MIPEP: variants seen among roughly 807,000 people sequenced by gnomAD.
MIPEP encodes mitochondrial intermediate peptidase.
Under a neutral mutation model 90.3 loss-of-function variants are expected in MIPEP, and 79 were observed. The observed-to-expected ratio is 0.87, with a 90% CI of 0.73 to 1.05. MIPEP has a LOEUF of 1.05. MIPEP is among the 50% of genes least tolerant of loss of function. MIPEP has a pLI of 0.00. For missense variants in MIPEP, 940 were observed against 905.6 expected (o/e 1.04, Z -0.49); for synonymous variants, 334 against 315.8 (o/e 1.06, Z -0.61).
intron 4 of MIPEP, among the ~76,000 whole-genome samples, chr13:23,877,209 C>A (rs1361467751): frequency 6.6e-6 from 1 of 152,096 alleles, no homozygotes; most frequent in Non-Finnish European, 1.5e-5. Flanking sequence ...TAAAAAAATT[C>A]TTTATAAATT....
intron 3 of MIPEP, among the ~76,000 whole-genome samples, chr13:23,881,224 A>G (rs4067955): frequency 2.6e-5 from 4 of 152,342 alleles, no homozygotes; most frequent in South Asian, 2.1e-4. Flanking sequence ...TTTATAGAGC[A>G]TTTTGGCTTC....
chr13:23,788,851 C>A (rs1952873972), intron 16 of MIPEP, among the ~76,000 whole-genome samples: 1 of 152,114 alleles, frequency 6.6e-6, no homozygotes, highest in Non-Finnish European at 1.5e-5. Context: ...GGTTCTTGGT[C>A]CCTCCTTTTA....
chr13:23,790,092 G>A (rs1488927683), intron 16 of MIPEP, among the ~76,000 whole-genome samples: 1 of 152,138 alleles, frequency 6.6e-6, no homozygotes, highest in Non-Finnish European at 1.5e-5. Context: ...GACACGGCTG[G>A]TTTCTCGCCA....
intron 15 of MIPEP, among the ~76,000 whole-genome samples, chr13:23,806,664 C>T (rs9580758): frequency 0.061 from 9,189 of 150,764 alleles, 955 homozygotes; most frequent in African/African-American, 0.21. Context: ...GGAGAGACTC[C>T]GTCTCAAAAA....
At chr13:23,809,151 T>C (rs1953144107) in intron 15 of MIPEP, among the ~76,000 whole-genome samples, 1 of 152,194 alleles carries the variant, frequency 6.6e-6, no homozygotes, top group Non-Finnish European at 1.5e-5. Flanking sequence ...TGGTTTTGAA[T>C]ATTATCTAAA....
Position 23,733,383 on chromosome 13 carries a change from G to A in MIPEP, c.2045-2938C>T, listed in dbSNP as rs144225035. 3.7e-3 allele frequency among the ~76,000 whole-genome samples: 568 copies of A among 152,300 alleles called. 3 individuals carry two copies. Among genetic ancestry groups the A allele is most frequent in the Middle Eastern group, 0.02 (6 of 294 alleles). On this transcript the variant is annotated intron_variant, in intron 18 of 18. Coordinates refer to ENST00000382172, the MANE Select transcript of MIPEP (RefSeq NM_005932.4). Reference sequence around the variant, plus strand: ...TGGTCTGGCGGGTAGAGTAAGGCTGGAAGAGACTCTGGGAGAGGAACATGA... The same window carrying A: ...TGGTCTGGCGGGTAGAGTAAGGCTGAAAGAGACTCTGGGAGAGGAACATGA...
chr13:23,765,902 T>TA (rs1439037734), intron 16 of MIPEP: 1 of 152,188 alleles, frequency 6.6e-6, no homozygotes, highest in Non-Finnish European at 1.5e-5. Context: ...AAGTGAGTGG[T>TA]ATTAGGGTAA....
At chr13:23,769,371 T>C (rs1328538795) in intron 16 of MIPEP, among the ~76,000 whole-genome samples, 1 of 152,198 alleles carries the variant, frequency 6.6e-6, no homozygotes, top group Non-Finnish European at 1.5e-5. Flanking sequence ...AGGAGGTGTG[T>C]CTGCATAGGA....
At chr13:23,803,095 G>A (rs1010294472) in intron 16 of MIPEP, among the ~76,000 whole-genome samples, 2 of 152,126 alleles carry the variant, frequency 1.3e-5, no homozygotes, top group African/African-American at 4.8e-5. Flanking sequence ...CAGGCGCGGT[G>A]GCTCATGCCT....
At chr13:23,798,894 T>C (rs1321180468) in intron 16 of MIPEP, among the ~76,000 whole-genome samples, 1 of 151,710 alleles carries the variant, frequency 6.6e-6, no homozygotes. Flanking sequence ...CTTTTCCGTA[T>C]AAATTACCCA....
intron 16 of MIPEP, 45 bp downstream of exon 16, chr13:23,805,902 TAGC>T: frequency 3.1e-6 from 5 of 1,597,936 alleles, no homozygotes; most frequent in Non-Finnish European, 4.3e-6. Flanking sequence ...ACAGAAGTAA[TAGC>T]AGAACCACTC....
At chr13:23,886,568 T>G in intron 1 of MIPEP, 62 bp from the exon 2 acceptor site, 1 of 1,315,884 alleles carries the variant, frequency 7.6e-7, no homozygotes. Flanking sequence ...TTTTTTATAT[T>G]TACTAAAATT....
chr13:23,754,909 T>C (rs571394547), intron 18 of MIPEP, among the ~76,000 whole-genome samples: 6 of 152,370 alleles, frequency 3.9e-5, no homozygotes, highest in African/African-American at 1.2e-4. Context: ...CTAGATGTCC[T>C]GTCTGACAGT....
At chr13:23,744,284 T>C (rs945979165) in intron 18 of MIPEP, among the ~76,000 whole-genome samples, 1 of 152,250 alleles carries the variant, frequency 6.6e-6, no homozygotes, top group African/African-American at 2.4e-5. Flanking sequence ...GTCCCCATGA[T>C]ATCTTACTCT....
intron 14 of MIPEP, among the ~76,000 whole-genome samples, chr13:23,814,699 A>G (rs1010082932): frequency 1.3e-5 from 2 of 152,232 alleles, no homozygotes; most frequent in African/African-American, 4.8e-5. Context: ...TGGGCCTTTC[A>G]GGCTGTTTCT....
intron 16 of MIPEP, among the ~76,000 whole-genome samples, chr13:23,772,055 C>G (rs181362895): frequency 1.8e-4 from 27 of 152,280 alleles, no homozygotes; most frequent in Admixed American, 1.7e-3. Flanking sequence ...ACTGCCCCCC[C>G]ACTTCCCATG....
Position 23,888,174 on chromosome 13 carries a change from C to A in MIPEP, c.189+958G>T, listed in dbSNP as rs1303997568. The stretch of plus-strand genomic sequence containing the variant: ...CCCAAAATCAGGCTTCCCCTCACGT[C>A]TTTCTGCTCAGCGCCTACAAGTAGG... On this transcript the variant is annotated intron_variant, in intron 1 of 18. Coordinates refer to ENST00000382172, the MANE Select transcript of MIPEP (RefSeq NM_005932.4). 2.4e-5 allele frequency: 10 copies of A among 413,182 alleles called. No homozygotes were observed. In the East Asian group the frequency reaches 7.5e-4, roughly 31 times the overall value. 25.6% of individuals were successfully genotyped at this position (413,182 alleles called of 1,614,324 possible). A position where few individuals can be genotyped will look rare whatever the true frequency, so the allele number is the denominator to read the frequency against.
chr13:23,837,527 A>G, intron 13 of MIPEP, 25 bp downstream of exon 13: 1 of 1,555,374 alleles, frequency 6.4e-7, no homozygotes, highest in Non-Finnish European at 8.9e-7. Context: ...GACTGTAGTA[A>G]ATAAAAGCCC....
At chr13:23,777,020 C>CTGTT (rs1952725898) in intron 16 of MIPEP, among the ~76,000 whole-genome samples, 1 of 152,002 alleles carries the variant, frequency 6.6e-6, no homozygotes, top group Non-Finnish European at 1.5e-5. Context: ...TGCTTAAACG[C>CTGTT]CAGTGAGTAA....
Sources: allele counts gnomAD v4.1 joint callset (sites outside exome capture counted in the v4.1 genomes callset), GRCh38; gene constraint gnomAD v4.1.1; transcripts MANE v1.5; gene names NCBI Gene and HGNC (gene_info 2026-07-23, HGNC 2026-07-21).